The following RBL2 variants were observed in gnomAD, a reference collection of about 807,000 sequenced individuals.
The protein encoded by RBL2 is RB transcriptional corepressor like 2.
In RBL2, 56 loss-of-function variants were observed where a neutral mutation model predicts 126.0. That is an observed-to-expected ratio of 0.44 (90% CI 0.36 to 0.56). RBL2 has a LOEUF of 0.56. RBL2 is among the 20% of genes least tolerant of loss of function. RBL2 has a pLI of 0.00. For missense variants in RBL2, 1,229 were observed against 1,398.2 expected (o/e 0.88, Z 1.93); for synonymous variants, 454 against 478.5 (o/e 0.95, Z 0.67).
intron 21 of RBL2, chr16:53,487,482 G>A (rs958030291): frequency 1.3e-4 from 20 of 152,182 alleles, no homozygotes; most frequent in African/African-American, 4.1e-4. Context: ...ACAATTGGAT[G>A]TGCATATAAC....
intron 21 of RBL2, chr16:53,488,619 A>C (rs990108371): frequency 1.3e-5 from 2 of 152,214 alleles, no homozygotes; most frequent in African/African-American, 4.8e-5. Flanking sequence ...TCTAGAACCA[A>C]TCTATAACGT....
In RBL2 at chr16:53,458,570, T is replaced by C. The variant is rs1408436248; in HGVS notation, c.1180-881T>C. ...GGGAATGTTCAACTTATTATCTGTCTCTGAAGCAAATTTGAATATTTGGAT... is the reference window on the plus strand; with the variant it reads ...GGGAATGTTCAACTTATTATCTGTCCCTGAAGCAAATTTGAATATTTGGAT... On this transcript the variant is annotated intron_variant, in intron 8 of 21. Transcript: ENST00000262133. Among the ~76,000 whole-genome samples, 3 of 152,204 alleles carry C rather than the reference T, an allele frequency of 2.0e-5. No individual in the cohort carries two copies. The East Asian group carries it at 5.8e-4, about 29-fold the overall frequency.
At chr16:53,459,647 A>G in intron 9 of RBL2, 30 bp downstream of exon 9, 1 of 1,504,562 alleles carries the variant, frequency 6.6e-7, no homozygotes, top group South Asian at 1.4e-5. Flanking sequence ...GCTTTCTAAG[A>G]TTTGGTTATT....
At chr16:53,443,991 G>A (rs2153138875) in intron 3 of RBL2, among the ~76,000 whole-genome samples, 1 of 152,336 alleles carries the variant, frequency 6.6e-6, no homozygotes, top group South Asian at 2.1e-4. Context: ...GCTCACGCCT[G>A]TAATCCCAGC....
At chr16:53,438,406 A>G (rs185472387) in intron 1 of RBL2, among the ~76,000 whole-genome samples, 4 of 152,358 alleles carry the variant, frequency 2.6e-5, no homozygotes, top group Non-Finnish European at 5.9e-5. Flanking sequence ...ATAATCTTTT[A>G]GAATTACATA....
chr16:53,488,483 G>A (rs1961262754), intron 21 of RBL2: 1 of 152,156 alleles, frequency 6.6e-6, no homozygotes. Context: ...AAATGATAGC[G>A]ATTATTAGAC....
chr16:53,487,144 A>G (rs1474626186), intron 21 of RBL2, among the ~76,000 whole-genome samples: 3 of 152,242 alleles, frequency 2.0e-5, no homozygotes, highest in African/African-American at 7.2e-5. Flanking sequence ...CAATTGATCT[A>G]TAATTTCAAA....
chr16:53,487,533 C>T (rs1254553087), intron 21 of RBL2: 5 of 152,134 alleles, frequency 3.3e-5, no homozygotes, highest in East Asian at 3.8e-4. Flanking sequence ...GCACTATATA[C>T]AAAAACTAAA....
At chr16:53,483,982 A>T (rs1961060041) in intron 21 of RBL2, among the ~76,000 whole-genome samples, 1 of 37,384 alleles carries the variant, frequency 2.7e-5, no homozygotes, top group Non-Finnish European at 5.1e-5. Context: ...GAATTTATAA[A>T]ACTTATGAAA....
rs1372191938 is a variant in RBL2 at position 53,439,105 on chromosome 16, CTATG to C, written c.334_337del (p.Val112LeufsTer2). On this transcript the variant is annotated frameshift_variant, in exon 2 of 22. Transcript: ENST00000262133. LOFTEE classifies it high-confidence loss of function. ...TAAGCAAAGGGACAGTGGAAGGAAACTATGTATCTTTAACTAGAATCCTGAAATG... is the reference window on the plus strand; with the variant it reads ...TAAGCAAAGGGACAGTGGAAGGAAACTATCTTTAACTAGAATCCTGAAATG... 1 of 1,607,758 alleles carries C rather than the reference CTATG, an allele frequency of 6.2e-7. No homozygotes were observed. The highest frequency in any genetic ancestry group is 1.3e-5 in the African/African-American group (1 of 74,612).
chr16:53,488,760 T>C (rs1209532417), intron 21 of RBL2: 1 of 152,162 alleles, frequency 6.6e-6, no homozygotes, highest in Non-Finnish European at 1.5e-5. Flanking sequence ...GAAAAATAAA[T>C]TATGGTAGCA....
Position 53,451,752 on chromosome 16 carries a change from G to T in RBL2, c.687G>T (p.Leu229=). 2.5e-6 allele frequency: 4 copies of T among 1,613,530 alleles called. No homozygotes were observed. ...SDDLVNSYHL[L]LCALDLVYGN... ...ATTTGGTCAATTCTTATCACCTGCT[G>T]CTGTGTGCTTTGGACTTAGTTTATG... The change falls in exon 5 of 22, where the codon CTG becomes CTT. Residue 229 remains leucine, a synonymous_variant. Coordinates refer to ENST00000262133, the MANE Select transcript of RBL2 (RefSeq NM_005611.4).
At chr16:53,441,852 C>T (rs1480096239) in intron 2 of RBL2, among the ~76,000 whole-genome samples, 1 of 151,944 alleles carries the variant, frequency 6.6e-6, no homozygotes. Context: ...GACAGAGTCT[C>T]GCATTGTCGC....
intron 21 of RBL2, chr16:53,487,682 A>G (rs1961230617): frequency 6.6e-6 from 1 of 152,234 alleles, no homozygotes; most frequent in Non-Finnish European, 1.5e-5. Flanking sequence ...GTTAAAATGG[A>G]TTTTATCAAA....
chr16:53,474,669 A>C (rs776854822), intron 17 of RBL2, among the ~76,000 whole-genome samples: 1 of 152,110 alleles, frequency 6.6e-6, no homozygotes, highest in Non-Finnish European at 1.5e-5. Context: ...TTGTTGAGGA[A>C]TTTGTTTTCA....
intron 21 of RBL2, chr16:53,488,452 G>T (rs980346135): frequency 3.9e-5 from 6 of 152,326 alleles, no homozygotes; most frequent in Admixed American, 3.9e-4. Flanking sequence ...TTCTAGCACA[G>T]AATTGGGAGT....
chr16:53,478,944 A>G, intron 17 of RBL2: 2 of 554,164 alleles, frequency 3.6e-6, no homozygotes, highest in South Asian at 4.7e-5. Context: ...TTCACATACT[A>G]TAGACTCCTA....
In RBL2 at chr16:53,481,947, G is replaced by A. The variant is rs1053300326; in HGVS notation, c.3249+112G>A. 55 of 1,285,850 alleles carry A rather than the reference G, an allele frequency of 4.3e-5. No homozygotes were observed. In the African/African-American group the frequency reaches 7.2e-4, roughly 17 times the overall value. 79.7% of individuals were successfully genotyped at this position (1,285,850 alleles called of 1,614,324 possible). On this transcript the variant is annotated intron_variant, in intron 21 of 21. Coordinates refer to ENST00000262133, the MANE Select transcript of RBL2 (RefSeq NM_005611.4). The stretch of plus-strand genomic sequence containing the variant: ...TTAGAGTGATGAGAGCTGCCAGGGA[G>A]CAGTGATCAGTCAGTCCTCATGAAG...
intron 3 of RBL2, among the ~76,000 whole-genome samples, chr16:53,446,107 G>T (rs2058059843): frequency 6.6e-6 from 1 of 152,136 alleles, no homozygotes; most frequent in Admixed American, 6.5e-5. Flanking sequence ...TTCTCAAGTT[G>T]TAGAGCCAGA....
Sources: gnomAD v4.1 joint callset for allele counts (sites outside exome capture counted in the v4.1 genomes callset) on GRCh38, gnomAD v4.1.1 for gene constraint, MANE v1.5 for transcripts, NCBI Gene and HGNC (gene_info 2026-07-23, HGNC 2026-07-21) for gene names.